DNM1: variants seen among roughly 807,000 people sequenced by gnomAD.
The protein encoded by DNM1 is dynamin-1.
A neutral mutation model predicts 104.6 loss-of-function variants in DNM1; 29 were observed. The ratio of observed to expected loss-of-function variants is 0.28; its 90% CI spans 0.21 to 0.38. The LOEUF is 0.38. DNM1 is among the 10% of genes least tolerant of loss of function. DNM1 has a pLI of 1.00. For synonymous variants in DNM1, 445 were observed against 475.8 expected, an observed-to-expected ratio of 0.94 and a Z score of 0.84; for missense variants, 640 against 1,189.4, an observed-to-expected ratio of 0.54 and a Z score of 6.79.
chr9:128,235,707 G>A (rs1835969978), intron 11 of DNM1, among the ~76,000 whole-genome samples: 1 of 152,002 alleles, frequency 6.6e-6, no homozygotes, highest in Non-Finnish European at 1.5e-5. Flanking sequence ...CCATAGGCTG[G>A]TTCTATGCTT....
chr9:128,233,704 G>A (rs1006367764), intron 10 of DNM1: 10 of 421,918 alleles, frequency 2.4e-5, no homozygotes, highest in South Asian at 5.1e-5. Context: ...ACCAGTCTGC[G>A]GGGCAGGCTC....
At chr9:128,252,599 G>A (rs1462844230) in intron 21 of DNM1, 10 of 396,060 alleles carry the variant, frequency 2.5e-5, no homozygotes, top group East Asian at 1.4e-4. Context: ...GGGGCGCAAG[G>A]TGGAGAACCT....
At position 128,245,244 on chromosome 9, in the gene DNM1, G is replaced by A. The variant is rs1448123411; in HGVS notation, c.1672-1150G>A. On this transcript the variant is annotated intron_variant, in intron 15 of 21. Transcript: ENST00000372923. This position sits in a 1 kb window ranked among gnomAD's most constrained non-coding sequence, Gnocchi z 5.2. Reference sequence around the variant, plus strand: ...CCTGGCATAAAGAGGGCTTTATGTGGCTGCATGGGCCAGGGGGGCGTTGGG... The same window carrying A: ...CCTGGCATAAAGAGGGCTTTATGTGACTGCATGGGCCAGGGGGGCGTTGGG... Among the ~76,000 whole-genome samples the A allele has an allele frequency of 6.6e-6, 1 of 152,062 alleles. No individual in the cohort carries two copies. Among genetic ancestry groups the A allele is most frequent in the African/African-American group, 2.4e-5 (1 of 41,406 alleles).
At chr9:128,225,655 G>A (rs897940517) in intron 10 of DNM1, among the ~76,000 whole-genome samples, 1 of 152,156 alleles carries the variant, frequency 6.6e-6, no homozygotes, top group Non-Finnish European at 1.5e-5. Context: ...GGACAAAGAC[G>A]GCACTGGGAG....
rs1387107429 is a variant in DNM1 at position 128,247,794 on chromosome 9, A to G, written c.1894-130A>G. On this transcript the variant is annotated intron_variant, in intron 17 of 21. Transcript: ENST00000372923. This position sits in a 1 kb window ranked among gnomAD's most constrained non-coding sequence, Gnocchi z 5.1. ...CCCCTATTTCACTGTGGCGATGTCT[A>G]GAGTAGCCTGAGAGTTGGGGTGCAG... 1 of 1,229,444 alleles carries G rather than the reference A, an allele frequency of 8.1e-7. No individual in the cohort carries two copies. Among genetic ancestry groups the G allele is most frequent in the African/African-American group, 1.5e-5 (1 of 66,074 alleles). The allele number at this position is 1,229,444 out of a possible 1,614,324, so 76.2% of individuals were successfully genotyped here. A position where few individuals can be genotyped will look rare whatever the true frequency, so the allele number is the denominator to read the frequency against.
intron 1 of DNM1, among the ~76,000 whole-genome samples, chr9:128,209,695 C>A (rs964225585): frequency 6.6e-6 from 1 of 152,216 alleles, no homozygotes; most frequent in Admixed American, 6.5e-5. Flanking sequence ...CCTCTTTATC[C>A]CTCCAGGGTT....
chr9:128,222,900 G>T lies in DNM1; in HGVS notation c.1196+40G>T. On this transcript the variant is annotated intron_variant, in intron 9 of 21. Coordinates refer to ENST00000372923, the MANE Select transcript of DNM1 (RefSeq NM_004408.4). The surrounding 1 kb of genome is among the most constrained non-coding windows in gnomAD (Gnocchi z 7.8). ...CTGGGAGGGTGGCTGAACCCCAGAA[G>T]TAGGGGGTCTGGGACAGAGGCACAG... The T allele has an allele frequency of 2.5e-6, 4 of 1,595,180 alleles. No homozygotes were observed. The highest frequency in any genetic ancestry group is 3.4e-6 in the Non-Finnish European group (4 of 1,163,650).
At chr9:128,235,136 A>G (rs971479528) in intron 11 of DNM1, among the ~76,000 whole-genome samples, 2 of 152,008 alleles carry the variant, frequency 1.3e-5, no homozygotes, top group Admixed American at 6.6e-5. Context: ...ACGTAAGTGG[A>G]GTCATACAGT....
rs3003574 is a variant in DNM1, at chr9:128,218,866, T to A, written c.385+135T>A. On this transcript the variant is annotated intron_variant, in intron 3 of 21. Transcript: ENST00000372923. The surrounding 1 kb of genome is among the most constrained non-coding windows in gnomAD (Gnocchi z 4.8). ...CATCATCCTATTCCAAGCTCCACCCTGCCGTGATTCCGCCCACTTCCGGCC... is the reference window on the plus strand; with the variant it reads ...CATCATCCTATTCCAAGCTCCACCCAGCCGTGATTCCGCCCACTTCCGGCC... 0.82 allele frequency: 1,098,837 copies of A among 1,346,026 alleles called. 450,477 individuals are homozygous for A. Among genetic ancestry groups the A allele is most frequent in the East Asian group, 1 (39,622 of 39,638 alleles). The allele number at this position is 1,346,026 out of a possible 1,614,324, so 83.4% of individuals were successfully genotyped here. A position where few individuals can be genotyped will look rare whatever the true frequency, so the allele number is the denominator to read the frequency against.
intron 11 of DNM1, among the ~76,000 whole-genome samples, chr9:128,238,173 C>A (rs1050477323): frequency 6.6e-6 from 1 of 152,028 alleles, no homozygotes; most frequent in East Asian, 1.9e-4. Context: ...GCTCATTTCC[C>A]AACACTTGTG....
intron 11 of DNM1, among the ~76,000 whole-genome samples, chr9:128,234,495 G>T (rs1835888592): frequency 6.6e-6 from 1 of 152,142 alleles, no homozygotes; most frequent in Non-Finnish European, 1.5e-5. Flanking sequence ...CTCCCGAGTA[G>T]CTGGGAGGCT....
At chr9:128,250,014 G>A in intron 19 of DNM1, 101 bp from the exon 20 acceptor site, 1 of 1,575,928 alleles carries the variant, frequency 6.3e-7, no homozygotes, top group African/African-American at 1.3e-5. Context: ...AGCCGCGTCT[G>A]AAAAGCCACA....
intron 13 of DNM1, 60 bp from the exon 14 acceptor site, chr9:128,239,924 AG>A: frequency 1.2e-6 from 2 of 1,608,950 alleles, no homozygotes; most frequent in Non-Finnish European, 1.7e-6. Flanking sequence ...ACTCTGCCTC[AG>A]TAACCCTCTC....
chr9:128,208,067 TTC>T (rs1422006172), intron 1 of DNM1, among the ~76,000 whole-genome samples: 1 of 151,754 alleles, frequency 6.6e-6, no homozygotes, highest in African/African-American at 2.4e-5. Flanking sequence ...TCTTTTTTTT[TTC>T]TTTTTTTGAG....
chr9:128,215,122 T>A (rs1834528484), intron 1 of DNM1, among the ~76,000 whole-genome samples: 1 of 152,238 alleles, frequency 6.6e-6, no homozygotes, highest in African/African-American at 2.4e-5. Context: ...GGGGACCTGC[T>A]GGTCCTCCCC....
chr9:128,229,222 T>C (rs117548071), intron 10 of DNM1, among the ~76,000 whole-genome samples: 10,408 of 151,702 alleles, frequency 0.069, 365 homozygotes, highest in Middle Eastern at 0.11. Context: ...CAAAACCCTG[T>C]CTCTACAAAA....
chr9:128,203,645 G>GC lies in DNM1; in HGVS notation c.161+19dup. 6.6e-7 allele frequency: 1 copy of GC among 1,506,942 alleles called. No individual in the cohort carries two copies. The allele number at this position is 1,506,942 out of a possible 1,614,324, so 93.3% of individuals were successfully genotyped here. On this transcript the variant is annotated intron_variant, in intron 1 of 21. Coordinates refer to ENST00000372923, the MANE Select transcript of DNM1 (RefSeq NM_004408.4). This position sits in a 1 kb window ranked among gnomAD's most constrained non-coding sequence, Gnocchi z 5.3. ...TTTCGTAGGCAGGTAGGCGCGGCGC[G>GC]CCCCCAGGCGCCGACCCCCGACCCC...
chr9:128,208,049 CTTTTTTTTCTT>C (rs1277278871), intron 1 of DNM1, among the ~76,000 whole-genome samples: 63 of 150,668 alleles, frequency 4.2e-4, no homozygotes, highest in African/African-American at 1.3e-3. Flanking sequence ...CCTCCCCATT[CTTTTTTTTCTT>C]TTTTTTTTCT....
chr9:128,206,277 G>C (rs907913655), intron 1 of DNM1, among the ~76,000 whole-genome samples: 1 of 152,212 alleles, frequency 6.6e-6, no homozygotes, highest in African/African-American at 2.4e-5. Context: ...GGATCCTGCT[G>C]TCAACTCTGC....
Sources: gnomAD v4.1 joint callset for allele counts (sites outside exome capture counted in the v4.1 genomes callset) on GRCh38, gnomAD v4.1.1 for gene constraint, Gnocchi (gnomAD v3.1) non-coding constraint, MANE v1.5 for transcripts, NCBI Gene and HGNC (gene_info 2026-07-23, HGNC 2026-07-21) for gene names.